Variants in NCOA1 observed in about 807,000 individuals in gnomAD.
NCOA1 encodes the protein Hin-2 protein.
Under a neutral mutation model 150.9 loss-of-function variants are expected in NCOA1, and 35 were observed. That is an observed-to-expected ratio of 0.23 (90% CI 0.18 to 0.31). The LOEUF (loss-of-function observed/expected upper bound fraction) is 0.31. Among genes scored for constraint, NCOA1 ranks in the 10% least tolerant of loss-of-function variants. The pLI is 1.00. For synonymous variants in NCOA1, 590 were observed against 630.0 expected, an observed-to-expected ratio of 0.94 and a Z score of 0.95; for missense variants, 1,491 against 1,749.3, an observed-to-expected ratio of 0.85 and a Z score of 2.63.
intron 6 of NCOA1, among the ~76,000 whole-genome samples, chr2:24,670,862 A>T (rs1307782216): frequency 6.6e-6 from 1 of 152,228 alleles, no homozygotes; most frequent in Non-Finnish European, 1.5e-5. Flanking sequence ...ATTATTATAA[A>T]TAGTATGTGA....
At chr2:24,748,766 A>T (rs1226952453) in intron 19 of NCOA1, among the ~76,000 whole-genome samples, 1 of 152,166 alleles carries the variant, frequency 6.6e-6, no homozygotes, top group Non-Finnish European at 1.5e-5. Flanking sequence ...TAACCAAAAA[A>T]ATTACATTAA....
chr2:24,542,860 GATTAAT>G (rs1285849560), intron 1 of NCOA1, among the ~76,000 whole-genome samples: 1 of 152,288 alleles, frequency 6.6e-6, no homozygotes, highest in Non-Finnish European at 1.5e-5. Flanking sequence ...TGATTTAACA[GATTAAT>G]ATTAAACTTT....
rs564461829 is a variant in NCOA1 at position 24,727,031 on chromosome 2, A to C, written c.2717+325A>C. On this transcript the variant is annotated intron_variant, in intron 15 of 22. Coordinates refer to ENST00000348332, the MANE Select transcript of NCOA1 (RefSeq NM_003743.5). ...TGCGCAGCTGTAATCCCAGCTACTCAGGAGGCTGAGGCAGGAGAATTGCTT... is the reference window on the plus strand; with the variant it reads ...TGCGCAGCTGTAATCCCAGCTACTCCGGAGGCTGAGGCAGGAGAATTGCTT... 4.1e-4 allele frequency among the ~76,000 whole-genome samples: 61 copies of C among 150,354 alleles called. No homozygotes were observed. In the South Asian group the frequency reaches 0.012, roughly 31 times the overall value.
At chr2:24,518,330 C>T (rs1664289221) in intron 1 of NCOA1, among the ~76,000 whole-genome samples, 1 of 152,014 alleles carries the variant, frequency 6.6e-6, no homozygotes, top group South Asian at 2.1e-4. Flanking sequence ...AAAAAGAGGG[C>T]TTCCTTAACC....
At chr2:24,709,152 A>T (rs937945624) in intron 13 of NCOA1, among the ~76,000 whole-genome samples, 1 of 152,246 alleles carries the variant, frequency 6.6e-6, no homozygotes, top group African/African-American at 2.4e-5. Flanking sequence ...TTAAATAATA[A>T]GTATATTTAA....
chr2:24,539,566 A>G (rs1665305119), intron 1 of NCOA1, among the ~76,000 whole-genome samples: 1 of 152,180 alleles, frequency 6.6e-6, no homozygotes, highest in African/African-American at 2.4e-5. Flanking sequence ...TAAGCTGGGC[A>G]AGGGACAGAT....
At chr2:24,705,620 A>G (rs769561729) in intron 12 of NCOA1, among the ~76,000 whole-genome samples, 49 of 152,276 alleles carry the variant, frequency 3.2e-4, no homozygotes, top group Non-Finnish European at 6.8e-4. Context: ...CCTGAGTTCA[A>G]GTTGACAATT....
chr2:24,745,157 CTTTTTTT>C (rs201221705), intron 19 of NCOA1, among the ~76,000 whole-genome samples: 134 of 131,674 alleles, frequency 1.0e-3, no homozygotes, highest in Middle Eastern at 3.9e-3. Context: ...TTTCTTTTTT[CTTTTTTT>C]TTTTTTTTTT....
chr2:24,756,824 A>G (rs558522393), intron 20 of NCOA1, among the ~76,000 whole-genome samples: 1 of 152,282 alleles, frequency 6.6e-6, no homozygotes, highest in Non-Finnish European at 1.5e-5. Context: ...TTACTATTCT[A>G]CTTCCTAATA....
Position 24,682,948 on chromosome 2 carries a change from C to T in NCOA1, c.355-3C>T. The T allele has an allele frequency of 1.3e-6, 2 of 1,575,884 alleles. No homozygotes were observed. The highest frequency in any genetic ancestry group is 2.3e-5 in the East Asian group (1 of 43,194). On this transcript the variant is annotated splice_polypyrimidine_tract_variant and splice_region_variant and intron_variant, in intron 7 of 22. Transcript: ENST00000348332. ...AAACCATTTTTTTCTTTTGGTTTTGCAGGCTTTGGATGGATTTTTCTTTGT... is the reference window on the plus strand; with the variant it reads ...AAACCATTTTTTTCTTTTGGTTTTGTAGGCTTTGGATGGATTTTTCTTTGT...
chr2:24,745,076 CAAG>C (rs1663825454), intron 19 of NCOA1, among the ~76,000 whole-genome samples: 2 of 151,098 alleles, frequency 1.3e-5, no homozygotes, highest in South Asian at 2.1e-4. Flanking sequence ...TTTCTGAAAA[CAAG>C]AAACTTTTCT....
intron 3 of NCOA1, among the ~76,000 whole-genome samples, chr2:24,596,037 G>C (rs1667871130): frequency 6.6e-6 from 1 of 152,084 alleles, no homozygotes; most frequent in Non-Finnish European, 1.5e-5. Context: ...TCAGACCTGT[G>C]AGCATTTCAT....
At chr2:24,535,910 A>G (rs1449072260) in intron 1 of NCOA1, among the ~76,000 whole-genome samples, 2 of 152,090 alleles carry the variant, frequency 1.3e-5, no homozygotes, top group African/African-American at 4.8e-5. Flanking sequence ...ACCTTGGTGA[A>G]TCCAACAATT....
chr2:24,659,063 C>T, intron 5 of NCOA1: 2 of 279,962 alleles, frequency 7.1e-6, no homozygotes, highest in South Asian at 1.3e-4. Context: ...TTCCTCCATT[C>T]ATGTATCTGT....
At chr2:24,576,995 T>C (rs1667016936) in intron 2 of NCOA1, among the ~76,000 whole-genome samples, 1 of 152,220 alleles carries the variant, frequency 6.6e-6, no homozygotes, top group African/African-American at 2.4e-5. Flanking sequence ...TTTTCTCAGC[T>C]ATTTCTGTTT....
chr2:24,658,903 C>T, intron 5 of NCOA1, 137 bp downstream of exon 5: 1 of 737,276 alleles, frequency 1.4e-6, no homozygotes, highest in South Asian at 1.7e-5. Flanking sequence ...TGTCTTCCTT[C>T]CCCCAGGGTC....
intron 3 of NCOA1, among the ~76,000 whole-genome samples, chr2:24,630,604 T>G (rs1033625531): frequency 2.6e-5 from 4 of 152,240 alleles, no homozygotes; most frequent in African/African-American, 9.6e-5. Context: ...CTTGGAATTC[T>G]TGCTCTGGCC....
rs150691841 is a variant in NCOA1, at chr2:24,768,903, C to G, written c.*512C>G. 4.5e-6 allele frequency: 1 copy of G among 220,734 alleles called. No individual in the cohort carries two copies. Among genetic ancestry groups the G allele is most frequent in the African/African-American group, 2.2e-5 (1 of 44,638 alleles). The allele number at this position is 220,734 out of a possible 1,614,324, so 13.7% of individuals were successfully genotyped here. A position where few individuals can be genotyped will look rare whatever the true frequency, so the allele number is the denominator to read the frequency against. On this transcript the variant is annotated 3_prime_UTR_variant, in exon 23 of 23. Transcript: ENST00000348332. ...CCAGGCAGCTTGTGTGTACAATCAGCTTCTCTAGCAACTCTGTATCTGTTG... is the reference window on the plus strand; with the variant it reads ...CCAGGCAGCTTGTGTGTACAATCAGGTTCTCTAGCAACTCTGTATCTGTTG...
At chr2:24,535,432 G>A (rs1222138086) in intron 1 of NCOA1, among the ~76,000 whole-genome samples, 2 of 151,964 alleles carry the variant, frequency 1.3e-5, no homozygotes, top group Non-Finnish European at 2.9e-5. Flanking sequence ...TTTAATTGGG[G>A]CATTTAGCCC....
Sources: allele counts gnomAD v4.1 joint callset (sites outside exome capture counted in the v4.1 genomes callset), GRCh38; gene constraint gnomAD v4.1.1; transcripts MANE v1.5; gene names NCBI Gene and HGNC (gene_info 2026-07-23, HGNC 2026-07-21).